Variants in ANKMY2 observed in about 807,000 individuals in gnomAD.
ANKMY2 encodes ankyrin repeat and MYND domain containing 2, also known as ankyrin repeat and MYND domain-containing protein 2.
Under a neutral mutation model 50.4 loss-of-function variants are expected in ANKMY2, and 36 were observed. The observed-to-expected ratio is 0.71, with a 90% CI of 0.55 to 0.94. The LOEUF (loss-of-function observed/expected upper bound fraction) is 0.94. ANKMY2 is among the 40% of genes least tolerant of loss of function. The probability of loss-of-function intolerance (pLI) is 0.00; values close to 1 mark genes in which losing one functional copy is unlikely to be tolerated. For missense variants in ANKMY2, 565 were observed against 524.0 expected, an observed-to-expected ratio of 1.08 and a Z score of -0.76; for synonymous variants, 187 against 178.8, an observed-to-expected ratio of 1.05 and a Z score of -0.36.
At chr7:16,607,946 C>T (rs1253128665) in intron 7 of ANKMY2, among the ~76,000 whole-genome samples, 1 of 152,076 alleles carries the variant, frequency 6.6e-6, no homozygotes, top group Non-Finnish European at 1.5e-5. Flanking sequence ...CAGAGGGCTT[C>T]TGGGAGAGCT....
chr7:16,602,005 A>C (rs1298727685), intron 9 of ANKMY2, among the ~76,000 whole-genome samples: 17 of 152,350 alleles, frequency 1.1e-4, no homozygotes, highest in Non-Finnish European at 1.0e-4. Context: ...TCCACCCTTA[A>C]AATCTTCTGG....
intron 5 of ANKMY2, among the ~76,000 whole-genome samples, chr7:16,612,157 A>G (rs1267582396): frequency 1.3e-5 from 2 of 152,220 alleles, no homozygotes; most frequent in Non-Finnish European, 2.9e-5. Context: ...CCTACCTGTT[A>G]CAGCTAAATC....
intron 1 of ANKMY2, among the ~76,000 whole-genome samples, chr7:16,639,144 G>C (rs1781712707): frequency 6.6e-6 from 1 of 152,224 alleles, no homozygotes; most frequent in South Asian, 2.1e-4. Context: ...ACATTAGTCG[G>C]AAATTATAGA....
At chr7:16,635,573 T>G (rs148146178) in intron 2 of ANKMY2, among the ~76,000 whole-genome samples, 4 of 152,344 alleles carry the variant, frequency 2.6e-5, no homozygotes, top group African/African-American at 9.6e-5. Context: ...ATCCATTTCC[T>G]CAGTCAAACT....
intron 2 of ANKMY2, among the ~76,000 whole-genome samples, chr7:16,629,668 C>G (rs749736367): frequency 1.3e-5 from 2 of 151,886 alleles, no homozygotes; most frequent in African/African-American, 4.8e-5. Context: ...GTAGATGGTC[C>G]TGGGTATTAG....
intron 1 of ANKMY2, among the ~76,000 whole-genome samples, chr7:16,641,188 C>T (rs1454524282): frequency 6.6e-6 from 1 of 152,012 alleles, no homozygotes; most frequent in East Asian, 1.9e-4. Context: ...GAGCCGAGAG[C>T]GCACCATTGC....
chr7:16,629,105 A>G (rs749782720), intron 2 of ANKMY2, among the ~76,000 whole-genome samples: 4 of 151,960 alleles, frequency 2.6e-5, no homozygotes, highest in Non-Finnish European at 5.9e-5. Flanking sequence ...CGTGTCTCCT[A>G]TTACTCCCTT....
intron 1 of ANKMY2, among the ~76,000 whole-genome samples, chr7:16,643,749 T>C (rs533661391): frequency 4.6e-5 from 7 of 151,722 alleles, no homozygotes; most frequent in Admixed American, 6.5e-5. Context: ...CCAGGCCCAG[T>C]GGCTCATGCC....
intron 2 of ANKMY2, among the ~76,000 whole-genome samples, chr7:16,634,943 T>C (rs938111233): frequency 1.3e-5 from 2 of 152,024 alleles, no homozygotes; most frequent in African/African-American, 4.8e-5. Context: ...ATTGACAATG[T>C]CTAGCACCCA....
rs377615614 is a variant in ANKMY2, at chr7:16,600,746, C to T, written c.*15G>A. 16 of 1,592,518 alleles carry T rather than the reference C, an allele frequency of 1.0e-5. No individual in the cohort carries two copies. The African/African-American group carries it at 1.9e-4, about 19-fold the overall frequency. On this transcript the variant is annotated 3_prime_UTR_variant, in exon 10 of 10. Coordinates refer to ENST00000306999, the MANE Select transcript of ANKMY2 (RefSeq NM_020319.3). ...GCAGGGTGAGGATCATCCACACTGGCACTTGCTCTGGCTTTTACTCCTCAG... is the reference window on the plus strand; with the variant it reads ...GCAGGGTGAGGATCATCCACACTGGTACTTGCTCTGGCTTTTACTCCTCAG...
intron 1 of ANKMY2, among the ~76,000 whole-genome samples, chr7:16,637,771 G>T (rs1781687536): frequency 6.6e-6 from 1 of 152,180 alleles, no homozygotes; most frequent in Non-Finnish European, 1.5e-5. Flanking sequence ...TTTCTCTTGA[G>T]GAAGATGCTT....
intron 5 of ANKMY2, among the ~76,000 whole-genome samples, chr7:16,611,950 G>A (rs567576379): frequency 1.6e-4 from 25 of 152,268 alleles, no homozygotes; most frequent in African/African-American, 5.1e-4. Context: ...CCTGCACTGC[G>A]TCTCCTATTT....
chr7:16,605,418 G>A (rs957708733), intron 7 of ANKMY2, among the ~76,000 whole-genome samples: 1 of 152,126 alleles, frequency 6.6e-6, no homozygotes, highest in Non-Finnish European at 1.5e-5. Flanking sequence ...TTGAATCAAA[G>A]TATTAAGAAA....
intron 1 of ANKMY2, 88 bp downstream of exon 1, chr7:16,645,419 A>C (rs1262207249): frequency 2.3e-6 from 3 of 1,317,360 alleles, no homozygotes; most frequent in East Asian, 5.2e-5. Flanking sequence ...CCGCAGCCAA[A>C]GGTCACCCAG....
intron 4 of ANKMY2, among the ~76,000 whole-genome samples, chr7:16,618,455 TAAAC>T (rs1270210841): frequency 6.6e-6 from 1 of 152,088 alleles, no homozygotes; most frequent in Admixed American, 6.6e-5. Flanking sequence ...GATGGAGAAT[TAAAC>T]AAATGATAAA....
chr7:16,642,435 T>A (rs753175733), intron 1 of ANKMY2, among the ~76,000 whole-genome samples: 1 of 152,198 alleles, frequency 6.6e-6, no homozygotes, highest in East Asian at 1.9e-4. Flanking sequence ...TTCATTTTCA[T>A]CTGGAACTTC....
chr7:16,625,943 T>C (rs1291538136), intron 3 of ANKMY2, among the ~76,000 whole-genome samples: 1 of 151,968 alleles, frequency 6.6e-6, no homozygotes, highest in African/African-American at 2.4e-5. Flanking sequence ...TTTTCTACTG[T>C]AGTATTTTTC....
chr7:16,626,745 A>G (rs1461436050), intron 3 of ANKMY2, among the ~76,000 whole-genome samples: 2 of 152,224 alleles, frequency 1.3e-5, no homozygotes, highest in African/African-American at 2.4e-5. Context: ...ATATAAAGAT[A>G]TAGAACATCA....
At chr7:16,622,107 A>AAGG (rs143046806) in intron 4 of ANKMY2, among the ~76,000 whole-genome samples, 1 of 151,666 alleles carries the variant, frequency 6.6e-6, no homozygotes, top group Non-Finnish European at 1.5e-5. Context: ...GAAGAAGAAG[A>AAGG]AGGAGGAGGA....
Sources: allele counts gnomAD v4.1 joint callset (sites outside exome capture counted in the v4.1 genomes callset), GRCh38; gene constraint gnomAD v4.1.1; transcripts MANE v1.5; gene names NCBI Gene and HGNC (gene_info 2026-07-23, HGNC 2026-07-21).